Variants in ESRRB observed in about 807,000 individuals in gnomAD.
ESRRB encodes the protein steroid hormone receptor ERR2.
ESRRB carries 16 observed loss-of-function variants against 46.0 expected under a neutral mutation model. The observed-to-expected ratio is 0.35, with a 90% CI of 0.24 to 0.53. The LOEUF (loss-of-function observed/expected upper bound fraction) is 0.53. Ranked by LOEUF, ESRRB falls within the 20% of genes least tolerant of loss-of-function variation. ESRRB has a pLI of 0.93. For synonymous variants in ESRRB, 246 were observed against 259.6 expected (o/e 0.95, Z 0.50); for missense variants, 488 against 607.4 (o/e 0.80, Z 2.07).
intron 2 of ESRRB, among the ~76,000 whole-genome samples, chr14:76,455,427 C>T (rs1461984263): frequency 6.6e-6 from 1 of 152,144 alleles, no homozygotes; most frequent in East Asian, 1.9e-4. Flanking sequence ...TCCAATTACA[C>T]AACCCATCCC....
At position 76,445,298 on chromosome 14, in the gene ESRRB, C is replaced by T. The variant is rs930457786; in HGVS notation, c.460+5548C>T. 5.3e-5 allele frequency among the ~76,000 whole-genome samples: 8 copies of T among 150,832 alleles called. No homozygotes were observed. In the South Asian group the frequency reaches 1.3e-3, roughly 24 times the overall value. ...CAGCCTGGCCAACAGGATCAAACCCCGTCTCTACTAAAAAATACAAAAATT... is the reference window on the plus strand; with the variant it reads ...CAGCCTGGCCAACAGGATCAAACCCTGTCTCTACTAAAAAATACAAAAATT... On this transcript the variant is annotated intron_variant, in intron 2 of 6. Transcript: ENST00000644823.
chr14:76,428,541 G>A (rs1270092798), intron 1 of ESRRB, among the ~76,000 whole-genome samples: 3 of 152,082 alleles, frequency 2.0e-5, no homozygotes, highest in Non-Finnish European at 4.4e-5. Context: ...GAGCTACCAG[G>A]TACCATTGGG....
chr14:76,470,706 G>C (rs996102735), intron 3 of ESRRB, among the ~76,000 whole-genome samples: 3 of 152,176 alleles, frequency 2.0e-5, no homozygotes, highest in African/African-American at 7.2e-5. Flanking sequence ...TGTTTTTAAA[G>C]AGACAAGGTA....
chr14:76,389,313 G>T (rs1181839060), intron 1 of ESRRB, among the ~76,000 whole-genome samples: 1 of 152,114 alleles, frequency 6.6e-6, no homozygotes, highest in Non-Finnish European at 1.5e-5. Context: ...CCCCTGACTG[G>T]TTTACAATCT....
At chr14:76,346,684 G>A (rs541144510) in intron 1 of ESRRB, among the ~76,000 whole-genome samples, 1 of 152,142 alleles carries the variant, frequency 6.6e-6, no homozygotes, top group Admixed American at 6.5e-5. Context: ...GCTTCTGGGG[G>A]CTGCTCCCCC....
intron 1 of ESRRB, among the ~76,000 whole-genome samples, chr14:76,327,641 T>TA (rs1883951301): frequency 6.6e-6 from 1 of 152,124 alleles, no homozygotes; most frequent in Non-Finnish European, 1.5e-5. Context: ...GCCTATGGCT[T>TA]ACGGCTGTTG....
chr14:76,423,643 C>A (rs1887071497), intron 1 of ESRRB, among the ~76,000 whole-genome samples: 1 of 152,080 alleles, frequency 6.6e-6, no homozygotes, highest in Non-Finnish European at 1.5e-5. Flanking sequence ...TGAGGGAGTG[C>A]AGGCCTCTGG....
rs561255823 is a variant in ESRRB at position 76,433,476 on chromosome 14, G to A, written c.51-5865G>A. On this transcript the variant is annotated intron_variant, in intron 1 of 6. Coordinates refer to ENST00000644823, the MANE Select transcript of ESRRB (RefSeq NM_001379180.1). Reference sequence around the variant, plus strand: ...CTTAAATTCCTTACATTCTCAACACGCCCCCTTCTCATCAAAGAAGCTGAC... The same window carrying A: ...CTTAAATTCCTTACATTCTCAACACACCCCCTTCTCATCAAAGAAGCTGAC... Among the ~76,000 whole-genome samples, 38 of 151,978 alleles carry A rather than the reference G, an allele frequency of 2.5e-4. No homozygotes were observed. The South Asian group carries it at 6.5e-3, about 26-fold the overall frequency.
chr14:76,485,626 TGAGAGAGAGAGAGA>T (rs151021182), intron 5 of ESRRB, among the ~76,000 whole-genome samples: 64 of 143,918 alleles, frequency 4.4e-4, no homozygotes, highest in Middle Eastern at 3.5e-3. Flanking sequence ...TCCCTATCCC[TGAGAGAGAGAGAGA>T]GAGAGAGAGA....
intron 1 of ESRRB, among the ~76,000 whole-genome samples, chr14:76,419,985 T>A (rs535372133): frequency 1.6e-4 from 25 of 152,304 alleles, no homozygotes; most frequent in African/African-American, 6.0e-4. Context: ...GGGGTCTGAC[T>A]CACGGGGCAA....
chr14:76,427,284 C>G (rs1887243309), intron 1 of ESRRB, among the ~76,000 whole-genome samples: 1 of 151,916 alleles, frequency 6.6e-6, no homozygotes, highest in Admixed American at 6.6e-5. Context: ...TAAGCTGAGC[C>G]AGGAAGGCAG....
At chr14:76,424,207 T>G (rs184875528) in intron 1 of ESRRB, among the ~76,000 whole-genome samples, 4 of 152,326 alleles carry the variant, frequency 2.6e-5, no homozygotes, top group South Asian at 4.1e-4. Context: ...CCTCCATATG[T>G]GAGCACTGTT....
intron 1 of ESRRB, among the ~76,000 whole-genome samples, chr14:76,321,217 C>T (rs1204313772): frequency 6.6e-6 from 1 of 152,116 alleles, no homozygotes; most frequent in African/African-American, 2.4e-5. Context: ...GAAGTGATTC[C>T]TTTATATATT....
At chr14:76,419,345 C>T (rs1388554407) in intron 1 of ESRRB, among the ~76,000 whole-genome samples, 1 of 152,114 alleles carries the variant, frequency 6.6e-6, no homozygotes. Flanking sequence ...GATCGAGCTT[C>T]GAACTCAGGA....
At chr14:76,429,274 T>C (rs1230934083) in intron 1 of ESRRB, among the ~76,000 whole-genome samples, 2 of 152,134 alleles carry the variant, frequency 1.3e-5, no homozygotes, top group African/African-American at 4.8e-5. Flanking sequence ...CTTAGGGCTG[T>C]TTTATTATCT....
rs558267116 is a variant in ESRRB at position 76,350,704 on chromosome 14, G to A, written c.2+39788G>A. ...TGACAGCTGTATCGAGGCACTTTAGGGGGTGATTGTTGAGGGAGAGAGACC... is the reference window on the plus strand; with the variant it reads ...TGACAGCTGTATCGAGGCACTTTAGAGGGTGATTGTTGAGGGAGAGAGACC... On this transcript the variant is annotated intron_variant, in intron 1 of 6. Coordinates refer to the ESRRB transcript ENST00000512784. 1.8e-4 allele frequency among the ~76,000 whole-genome samples: 28 copies of A among 152,316 alleles called. 2 individuals carry two copies. The South Asian group carries it at 5.8e-3, about 32-fold the overall frequency.
At chr14:76,464,710 GACTCT>G (rs1333781076) in intron 3 of ESRRB, among the ~76,000 whole-genome samples, 1 of 152,134 alleles carries the variant, frequency 6.6e-6, no homozygotes, top group African/African-American at 2.4e-5. Flanking sequence ...GTTCATTTTT[GACTCT>G]ATATAATTTT....
intron 3 of ESRRB, among the ~76,000 whole-genome samples, chr14:76,481,567 G>A (rs917935525): frequency 1.3e-5 from 2 of 152,180 alleles, no homozygotes; most frequent in Admixed American, 6.5e-5. Context: ...TGTAATGAGC[G>A]CCTCCTCAGA....
chr14:76,491,669 A>C lies in ESRRB; in HGVS notation c.1073A>C (p.Glu358Ala), dbSNP rs749055650. The C allele has an allele frequency of 1.8e-5, 29 of 1,587,518 alleles. No homozygotes were observed. The highest frequency in any genetic ancestry group is 2.5e-5 in the Non-Finnish European group (29 of 1,168,912). ...CGCAGGTACAAGAAGCTCAAGGTGGAGAAGGAGGAGTTTGTGACGCTCAAG... is the reference window on the plus strand; with the variant it reads ...CGCAGGTACAAGAAGCTCAAGGTGGCGAAGGAGGAGTTTGTGACGCTCAAG... Reference protein sequence around the residue: ...LVRRYKKLKVEKEEFVTLKAL... With the variant: ...LVRRYKKLKVAKEEFVTLKAL... Residue 358 changes from glutamate (E) to alanine (A), a missense_variant, in exon 6 of 7, where the codon GAG (glutamate) becomes GCG (alanine). Physicochemically the swap from Glu to Ala is moderately radical, Grantham distance 107. Transcript: ENST00000644823.
Sources: gnomAD v4.1 joint callset for allele counts (sites outside exome capture counted in the v4.1 genomes callset) on GRCh38, gnomAD v4.1.1 for gene constraint, MANE v1.5 for transcripts, NCBI Gene and HGNC (gene_info 2026-07-23, HGNC 2026-07-21) for gene names.